Variants in TNRC6A observed in about 807,000 individuals in gnomAD.
TNRC6A encodes the protein trinucleotide repeat containing adaptor 6A.
A neutral mutation model predicts 221.2 loss-of-function variants in TNRC6A; 44 were observed. The observed-to-expected ratio is 0.20, with a 90% CI of 0.16 to 0.26. TNRC6A has a LOEUF of 0.26. TNRC6A is among the 10% of genes least tolerant of loss of function. The probability of loss-of-function intolerance (pLI) is 1.00; values close to 1 mark genes in which losing one functional copy is unlikely to be tolerated. For synonymous variants in TNRC6A, 847 were observed against 838.5 expected (o/e 1.01, Z -0.18); for missense variants, 2,199 against 2,404.4 (o/e 0.91, Z 1.79).
intron 4 of TNRC6A, among the ~76,000 whole-genome samples, chr16:24,775,659 G>C (rs2057703525): frequency 6.6e-6 from 1 of 152,208 alleles, no homozygotes; most frequent in African/African-American, 2.4e-5. Context: ...TGTTTACTGA[G>C]TGGTTACAAC....
At chr16:24,634,762 G>A (rs1901538912) in intron 1 of TNRC6A, among the ~76,000 whole-genome samples, 1 of 152,166 alleles carries the variant, frequency 6.6e-6, no homozygotes, top group Admixed American at 6.5e-5. Flanking sequence ...TCTCCAGGGT[G>A]GGGCAGCATC....
At chr16:24,715,151 T>C (rs2056288803) in intron 2 of TNRC6A, among the ~76,000 whole-genome samples, 2 of 152,216 alleles carry the variant, frequency 1.3e-5, no homozygotes, top group African/African-American at 2.4e-5. Flanking sequence ...TTTATATTTA[T>C]ATAAATGTTC....
intron 2 of TNRC6A, among the ~76,000 whole-genome samples, chr16:24,643,053 TATATAAC>T (rs1254459715): frequency 7.1e-6 from 1 of 140,648 alleles, no homozygotes; most frequent in East Asian, 2.0e-4. Flanking sequence ...CTTTAATATA[TATATAAC>T]ATATATATTA....
chr16:24,671,602 G>A (rs897560837), intron 2 of TNRC6A, among the ~76,000 whole-genome samples: 3 of 152,232 alleles, frequency 2.0e-5, no homozygotes, highest in East Asian at 1.9e-4. Context: ...TACTGTCACT[G>A]CGCCCATTTC....
At chr16:24,676,959 C>T (rs147310455) in intron 2 of TNRC6A, among the ~76,000 whole-genome samples, 2 of 152,174 alleles carry the variant, frequency 1.3e-5, no homozygotes, top group Non-Finnish European at 2.9e-5. Context: ...TTTCTCTCTG[C>T]TTTCACTGGT....
At position 24,714,369 on chromosome 16, in the gene TNRC6A, C is replaced by T. The variant is rs183171455; in HGVS notation, n.403-36357C>T. On this transcript the variant is annotated intron_variant and non_coding_transcript_variant, in intron 2 of 2. Coordinates refer to the TNRC6A transcript ENST00000566108. ...TGTCGCCCAGGCTGGAGTGCAGTGGCGCAGTCTTGACTCACTGCAAGCTCC... is the reference window on the plus strand; with the variant it reads ...TGTCGCCCAGGCTGGAGTGCAGTGGTGCAGTCTTGACTCACTGCAAGCTCC... 7.9e-5 allele frequency among the ~76,000 whole-genome samples: 10 copies of T among 126,820 alleles called. No individual in the cohort carries two copies. The East Asian group carries it at 1.3e-3, about 17-fold the overall frequency. The allele number at this position is 126,820 out of a possible 152,430, so 83.2% of individuals were successfully genotyped here.
At chr16:24,771,249 G>A (rs182627107) in intron 4 of TNRC6A, among the ~76,000 whole-genome samples, 4 of 152,068 alleles carry the variant, frequency 2.6e-5, no homozygotes, top group African/African-American at 7.2e-5. Context: ...ACACATAAAC[G>A]AAACCTTTTG....
chr16:24,709,406 T>C (rs1172415256), intron 2 of TNRC6A, among the ~76,000 whole-genome samples: 1 of 152,212 alleles, frequency 6.6e-6, no homozygotes, highest in Non-Finnish European at 1.5e-5. Flanking sequence ...TCCATTGTGG[T>C]TTTACTAATT....
intron 1 of TNRC6A, among the ~76,000 whole-genome samples, chr16:24,611,863 C>T (rs1035360970): frequency 3.9e-5 from 6 of 152,120 alleles, no homozygotes; most frequent in African/African-American, 1.2e-4. Context: ...GAGGCTGAGG[C>T]AGGCAGATCA....
rs1003287223 is a variant in TNRC6A, at chr16:24,745,305, G to C, written c.54-5421G>C. Among the ~76,000 whole-genome samples the C allele has an allele frequency of 5.9e-5, 9 of 152,198 alleles. No individual in the cohort carries two copies. In the East Asian group the frequency reaches 1.7e-3, roughly 29 times the overall value. On this transcript the variant is annotated intron_variant, in intron 2 of 24. Coordinates refer to ENST00000395799, the MANE Select transcript of TNRC6A (RefSeq NM_014494.4). ...GGTGAATTCTATAGTTTTGAAGGTT[G>C]CTAGTGACTTCCTGTTGTGTAGTGC... is the stretch of plus-strand genomic sequence containing the variant.
chr16:24,789,334 G>A lies in TNRC6A; in HGVS notation c.692G>A (p.Ser231Asn). The change falls in exon 6 of 25, where the codon AGT becomes AAT. Residue 231 changes from serine to asparagine, a missense_variant. Around this residue, in one of 8 missense-constraint regions of TNRC6A, gnomAD observed 1,405 missense variants for 1,400.2 expected, o/e 1.00. Coordinates refer to ENST00000395799, the MANE Select transcript of TNRC6A (RefSeq NM_014494.4). ...SSTNCKNAVVSDLSEKEAWPS... is the reference protein window; with the variant it reads ...SSTNCKNAVVNDLSEKEAWPS... The stretch of plus-strand genomic sequence containing the variant: ...ACAAACTGTAAGAATGCTGTTGTAA[G>A]TGACTTGTCGGAAAAAGAAGCATGG... 1 of 1,614,208 alleles carries A rather than the reference G, an allele frequency of 6.2e-7. No homozygotes were observed. Among genetic ancestry groups the A allele is most frequent in the Non-Finnish European group, 8.5e-7 (1 of 1,180,044 alleles).
At chr16:24,726,139 C>G (rs200525), upstream of TNRC6A, among the ~76,000 whole-genome samples, 29,157 of 152,058 alleles carry the variant, frequency 0.19, 3,332 homozygotes, top group South Asian at 0.29. Context: ...AGTGAATTGT[C>G]ATTTTGGCAT....
At chr16:24,710,006 G>A (rs1471019269) in intron 2 of TNRC6A, among the ~76,000 whole-genome samples, 1 of 151,470 alleles carries the variant, frequency 6.6e-6, no homozygotes. Flanking sequence ...GGCAGGCAGA[G>A]CACCTGAGGT....
At chr16:24,667,884 G>A (rs1253070842) in intron 2 of TNRC6A, among the ~76,000 whole-genome samples, 1 of 151,836 alleles carries the variant, frequency 6.6e-6, no homozygotes, top group Admixed American at 6.6e-5. Context: ...AGTTAGCTGG[G>A]CGTGATGGCA....
At position 24,687,843 on chromosome 16, in the gene TNRC6A, GGAAGAAGAAGAA is replaced by G. The variant is rs758957416; in HGVS notation, n.402+46863_402+46874del. On this transcript the variant is annotated intron_variant and non_coding_transcript_variant, in intron 2 of 2. Coordinates refer to the TNRC6A transcript ENST00000566108. ...AAGAGGAAGAAGAGGAAGAGGAAGA[GGAAGAAGAAGAA>G]GAAGAAGAAGAAGAAGAAGAAGAAG... Among the ~76,000 whole-genome samples, 29 of 101,920 alleles carry G rather than the reference GGAAGAAGAAGAA, an allele frequency of 2.8e-4. No individual in the cohort carries two copies. In the South Asian group the frequency reaches 3.7e-3, roughly 13 times the overall value. 66.9% of individuals were successfully genotyped at this position (101,920 alleles called of 152,430 possible). A position where few individuals can be genotyped will look rare whatever the true frequency, so the allele number is the denominator to read the frequency against.
intron 2 of TNRC6A, among the ~76,000 whole-genome samples, chr16:24,712,948 TGTG>T (rs2056235650): frequency 1.3e-5 from 2 of 150,134 alleles, no homozygotes; most frequent in Admixed American, 1.3e-4. Context: ...TGTGTGTGTG[TGTG>T]TGTGTGTATA....
chr16:24,754,434 A>G (rs2057204875), intron 3 of TNRC6A, among the ~76,000 whole-genome samples: 1 of 152,172 alleles, frequency 6.6e-6, no homozygotes, highest in Non-Finnish European at 1.5e-5. Flanking sequence ...AATTTTTTGA[A>G]AAGCCTTTTC....
intron 2 of TNRC6A, among the ~76,000 whole-genome samples, chr16:24,668,267 G>A (rs1182401137): frequency 6.6e-6 from 1 of 151,704 alleles, no homozygotes; most frequent in African/African-American, 2.4e-5. Flanking sequence ...GGTGGAGGTT[G>A]CGGTGAGCCA....
At chr16:24,756,482 T>G (rs1169009358) in intron 3 of TNRC6A, among the ~76,000 whole-genome samples, 1 of 152,204 alleles carries the variant, frequency 6.6e-6, no homozygotes, top group Non-Finnish European at 1.5e-5. Context: ...TTGTATACAT[T>G]AAATCCGATT....
Sources: gnomAD v4.1 joint callset for allele counts (sites outside exome capture counted in the v4.1 genomes callset) on GRCh38, gnomAD v4.1.1 for gene constraint, gnomAD v4.1.1 regional missense constraint, MANE v1.5 for transcripts, NCBI Gene and HGNC (gene_info 2026-07-23, HGNC 2026-07-21) for gene names.